PHF21A: variants seen among roughly 807,000 people sequenced by gnomAD.
PHF21A encodes the protein PHD finger protein 21A.
In PHF21A, 11 loss-of-function variants were observed where a neutral mutation model predicts 82.5. That is an observed-to-expected ratio of 0.13 (90% CI 0.08 to 0.22). The LOEUF (loss-of-function observed/expected upper bound fraction) is 0.22. PHF21A is among the 10% of genes least tolerant of loss of function. The pLI is 1.00. For synonymous variants in PHF21A, 297 were observed against 302.8 expected (o/e 0.98, Z 0.20); for missense variants, 579 against 837.8 (o/e 0.69, Z 3.81).
chr11:45,992,683 T>C (rs190713131), intron 6 of PHF21A, among the ~76,000 whole-genome samples: 1 of 152,200 alleles, frequency 6.6e-6, no homozygotes, highest in Non-Finnish European at 1.5e-5. Context: ...GGAAAATGCA[T>C]AGACAAAAGG....
chr11:45,956,614 A>G (rs2092659266), intron 10 of PHF21A, among the ~76,000 whole-genome samples: 1 of 152,296 alleles, frequency 6.6e-6, no homozygotes, highest in African/African-American at 2.4e-5. Context: ...TTCAAACTAG[A>G]TTGTTAAAAA....
chr11:46,107,468 A>T (rs1487287953), intron 1 of PHF21A, among the ~76,000 whole-genome samples: 1 of 152,196 alleles, frequency 6.6e-6, no homozygotes, highest in Non-Finnish European at 1.5e-5. Context: ...AGAAAAACTA[A>T]ACTTGGCTGG....
In PHF21A at chr11:45,946,441, T is replaced by A. The variant is rs1044013320; in HGVS notation, c.1289-438A>T. Among the ~76,000 whole-genome samples the A allele has an allele frequency of 3.5e-4, 54 of 152,362 alleles. 1 individual carries two copies. Among genetic ancestry groups the A allele is most frequent in the African/African-American group, 1.0e-3 (43 of 41,590 alleles). ...CTCTGTCACCCAGGCTGGAGTGCTGTGGCACGATCTCGGCTCACTGCAACC... is the reference window on the plus strand; with the variant it reads ...CTCTGTCACCCAGGCTGGAGTGCTGAGGCACGATCTCGGCTCACTGCAACC... On this transcript the variant is annotated intron_variant, in intron 14 of 18. Transcript: ENST00000676320.
chr11:45,994,499 G>C (rs2094833897), intron 6 of PHF21A, among the ~76,000 whole-genome samples: 1 of 152,104 alleles, frequency 6.6e-6, no homozygotes. Context: ...CACGTATCAG[G>C]CAAGACCAGG....
intron 3 of PHF21A, among the ~76,000 whole-genome samples, chr11:46,089,839 G>T (rs1031084387): frequency 1.3e-5 from 2 of 150,818 alleles, no homozygotes; most frequent in Non-Finnish European, 3.0e-5. Flanking sequence ...TTTAAAAAAG[G>T]AATCTCTACA....
At chr11:45,936,768 A>G in intron 16 of PHF21A, 199 bp from the exon 17 acceptor site, 1 of 546,878 alleles carries the variant, frequency 1.8e-6, no homozygotes, top group East Asian at 3.2e-5. Flanking sequence ...AGTTCAAGGC[A>G]GGAAGAGCCA....
chr11:46,040,711 G>T (rs568517508), intron 6 of PHF21A, among the ~76,000 whole-genome samples: 1 of 152,240 alleles, frequency 6.6e-6, no homozygotes, highest in South Asian at 2.1e-4. Flanking sequence ...TGCATACTAT[G>T]TTGGAGAGCA....
At chr11:46,035,687 A>C (rs2095985046) in intron 6 of PHF21A, among the ~76,000 whole-genome samples, 1 of 152,200 alleles carries the variant, frequency 6.6e-6, no homozygotes, top group African/African-American at 2.4e-5. Flanking sequence ...TTACACTGAG[A>C]CTTGAAGGAT....
intron 6 of PHF21A, among the ~76,000 whole-genome samples, chr11:46,037,485 T>C (rs2138601653): frequency 6.6e-6 from 1 of 151,956 alleles, no homozygotes; most frequent in South Asian, 2.1e-4. Context: ...CTACTAAAAA[T>C]AAAAAATTAG....
Position 46,094,763 on chromosome 11 carries a change from G to A in PHF21A, c.-236-2540C>T, listed in dbSNP as rs140045105. ...TACAAAAAAAAAATTAGCTGGGTAT[G>A]GTGGTGTGCACCTGTAATCTCAGCT... On this transcript the variant is annotated intron_variant, in intron 1 of 18. Coordinates refer to ENST00000676320, the MANE Select transcript of PHF21A (RefSeq NM_001352027.3). Among the ~76,000 whole-genome samples, 30 of 152,230 alleles carry A rather than the reference G, an allele frequency of 2.0e-4. 1 individual carries two copies. In the East Asian group the frequency reaches 5.2e-3, roughly 26 times the overall value.
rs1054075350 is a variant in PHF21A at position 45,930,528 on chromosome 11, A to G, written c.*3440T>C. The G allele has an allele frequency of 2.0e-5, 3 of 152,800 alleles. No individual in the cohort carries two copies. The highest frequency in any genetic ancestry group is 2.0e-4 in the Admixed American group (3 of 15,298). 9.5% of individuals were successfully genotyped at this position (152,800 alleles called of 1,614,324 possible). ...ACCCCAGAGGAGCTCAGCACAGGTG[A>G]GACAAGACCCAGCAGGCTCCATGAA... On this transcript the variant is annotated 3_prime_UTR_variant, in exon 19 of 19. Transcript: ENST00000676320.
chr11:46,037,640 CAAAAAAAAAAAAAA>C (rs1000939610), intron 6 of PHF21A, among the ~76,000 whole-genome samples: 1 of 59,062 alleles, frequency 1.7e-5, no homozygotes, highest in African/African-American at 5.3e-5. Context: ...AACGTCATCT[CAAAAAAAAAAAAAA>C]AAAAAAAAAG....
At chr11:46,064,921 G>A (rs534095031) in intron 6 of PHF21A, among the ~76,000 whole-genome samples, 17 of 152,318 alleles carry the variant, frequency 1.1e-4, no homozygotes, top group African/African-American at 3.8e-4. Flanking sequence ...CTGCTAGCTA[G>A]GGTGGCAAAG....
intron 7 of PHF21A, among the ~76,000 whole-genome samples, chr11:45,974,036 C>A (rs1245737261): frequency 6.6e-6 from 1 of 152,160 alleles, no homozygotes; most frequent in African/African-American, 2.4e-5. Flanking sequence ...AACACTGAAA[C>A]CTAACAAGTT....
At position 45,938,024 on chromosome 11, in the gene PHF21A, A is replaced by G. The variant is rs1301875010; in HGVS notation, c.1608+133T>C. On this transcript the variant is annotated intron_variant, in intron 16 of 18. Coordinates refer to ENST00000676320, the MANE Select transcript of PHF21A (RefSeq NM_001352027.3). ...GCCATGCGCCTGCGTGCTGTGTCAT[A>G]AACAGGGAAGATGCAGCCCGGAGAC... The G allele has an allele frequency of 4.1e-6, 3 of 723,178 alleles. No individual in the cohort carries two copies. The East Asian group carries it at 8.2e-5, about 20-fold the overall frequency. The allele number at this position is 723,178 out of a possible 1,614,324, so 44.8% of individuals were successfully genotyped here.
At chr11:46,021,290 G>A (rs1023318112) in intron 6 of PHF21A, among the ~76,000 whole-genome samples, 2 of 152,066 alleles carry the variant, frequency 1.3e-5, no homozygotes, top group Admixed American at 6.5e-5. Flanking sequence ...TTGAACTCGT[G>A]GTCTCAAGCG....
At chr11:46,111,150 T>C (rs890515455) in intron 1 of PHF21A, among the ~76,000 whole-genome samples, 22 of 150,906 alleles carry the variant, frequency 1.5e-4, no homozygotes, top group African/African-American at 7.3e-5. Context: ...GCAGATTGGT[T>C]TGCTATATAA....
At chr11:46,065,792 G>A (rs1198091337) in intron 6 of PHF21A, among the ~76,000 whole-genome samples, 1 of 152,192 alleles carries the variant, frequency 6.6e-6, no homozygotes, top group East Asian at 1.9e-4. Flanking sequence ...GGGTGTATAA[G>A]GGTGAAGGGA....
At position 45,953,641 on chromosome 11, in the gene PHF21A, T is replaced by G. The variant is rs1397444681; in HGVS notation, c.997-16A>C. ...ATTTAACTGTCTAGGAGAGAAAAAT[T>G]AAATAAAAATTCAGAATTCGTTTTT... On this transcript the variant is annotated splice_polypyrimidine_tract_variant and intron_variant, in intron 10 of 18. Transcript: ENST00000676320. The G allele has an allele frequency of 1.3e-6, 2 of 1,546,378 alleles. No individual in the cohort carries two copies. Among genetic ancestry groups the G allele is most frequent in the Non-Finnish European group, 1.8e-6 (2 of 1,121,330 alleles).
Sources: allele counts gnomAD v4.1 joint callset (sites outside exome capture counted in the v4.1 genomes callset), GRCh38; gene constraint gnomAD v4.1.1; transcripts MANE v1.5; gene names NCBI Gene and HGNC (gene_info 2026-07-23, HGNC 2026-07-21).